PARK7: variants seen among roughly 807,000 people sequenced by gnomAD.
The protein encoded by PARK7 is Parkinsonism associated deglycase, also known as Parkinson disease protein 7.
PARK7 carries 14 observed loss-of-function variants against 20.5 expected under a neutral mutation model. The ratio of observed to expected loss-of-function variants is 0.68; its 90% CI spans 0.45 to 1.07. The LOEUF is 1.07. Among genes scored for constraint, PARK7 ranks in the 50% least tolerant of loss-of-function variants. The pLI is 0.00. For synonymous variants in PARK7, 98 were observed against 84.3 expected (o/e 1.16, Z -0.89); for missense variants, 234 against 238.1 (o/e 0.98, Z 0.11).
chr1:7,974,321 G>A (rs1041188800), intron 5 of PARK7, among the ~76,000 whole-genome samples: 18 of 151,218 alleles, frequency 1.2e-4, no homozygotes, highest in African/African-American at 4.4e-4. Context: ...GCAAGACTTG[G>A]TCTCTTAAAA....
chr1:7,971,115 C>A, intron 5 of PARK7, 152 bp downstream of exon 5: 1 of 792,652 alleles, frequency 1.3e-6, no homozygotes, highest in Non-Finnish European at 2.2e-6. Context: ...AAGTTGGTGT[C>A]ATTTCAGAGA....
In PARK7 at chr1:7,985,175, T is replaced by C; in HGVS notation, c.*121T>C. 3 of 1,363,956 alleles carry C rather than the reference T, an allele frequency of 2.2e-6. No homozygotes were observed. The highest frequency in any genetic ancestry group is 1.3e-5 in the South Asian group (1 of 79,990). The allele number at this position is 1,363,956 out of a possible 1,614,324, so 84.5% of individuals were successfully genotyped here. Reference sequence around the variant, plus strand: ...TCAGAAGTCGCTGTCCTTACTACTTTTGCGGAAGTATGGAAGTCACAACTA... The same window carrying C: ...TCAGAAGTCGCTGTCCTTACTACTTCTGCGGAAGTATGGAAGTCACAACTA... On this transcript the variant is annotated 3_prime_UTR_variant, in exon 7 of 7. Coordinates refer to ENST00000338639, the MANE Select transcript of PARK7 (RefSeq NM_007262.5).
intron 1 of PARK7, among the ~76,000 whole-genome samples, chr1:7,962,323 A>G (rs1640224055): frequency 6.6e-6 from 1 of 152,236 alleles, no homozygotes. Context: ...CCAAAAAATT[A>G]CAAGTTAATT....
At chr1:7,967,128 A>AT (rs142292173) in intron 3 of PARK7, among the ~76,000 whole-genome samples, 8,358 of 151,392 alleles carry the variant, frequency 0.055, 775 homozygotes, top group African/African-American at 0.19. Flanking sequence ...TATGTGATCA[A>AT]TTTTTTTTTA....
At chr1:7,976,056 G>A (rs968694250) in intron 5 of PARK7, among the ~76,000 whole-genome samples, 2 of 152,198 alleles carry the variant, frequency 1.3e-5, no homozygotes, top group Admixed American at 6.6e-5. Flanking sequence ...GGTAGTATTT[G>A]TGTGATCTTC....
At position 7,983,699 on chromosome 1, in the gene PARK7, T is replaced by C. The variant is rs139000317; in HGVS notation, c.410-1195T>C. Among the ~76,000 whole-genome samples, 18 of 152,280 alleles carry C rather than the reference T, an allele frequency of 1.2e-4. No homozygotes were observed. In the East Asian group the frequency reaches 3.5e-3, roughly 29 times the overall value. ...TGCTTTGCACTCTGGACAGTTAGCT[T>C]TTGGGTGCTGGGCATGGATCGAAGG... On this transcript the variant is annotated intron_variant, in intron 6 of 6. Transcript: ENST00000338639.
chr1:7,983,682 A>G lies in PARK7; in HGVS notation c.410-1212A>G, dbSNP rs576023580. 4.6e-5 allele frequency among the ~76,000 whole-genome samples: 7 copies of G among 152,284 alleles called. No individual in the cohort carries two copies. The South Asian group carries it at 1.5e-3, about 32-fold the overall frequency. On this transcript the variant is annotated intron_variant, in intron 6 of 6. Coordinates refer to ENST00000338639, the MANE Select transcript of PARK7 (RefSeq NM_007262.5). The stretch of plus-strand genomic sequence containing the variant: ...GGGAACTGGCTATGCCCTGCTTTGC[A>G]CTCTGGACAGTTAGCTTTTGGGTGC...
At chr1:7,969,534 A>C in intron 4 of PARK7, 130 bp downstream of exon 4, 1 of 747,332 alleles carries the variant, frequency 1.3e-6, no homozygotes, top group East Asian at 2.7e-5. Context: ...TGTGAAAAAA[A>C]AATAGAAACA....
At chr1:7,981,156 A>T (rs573926086) in intron 6 of PARK7, among the ~76,000 whole-genome samples, 1 of 152,320 alleles carries the variant, frequency 6.6e-6, no homozygotes, top group African/African-American at 2.4e-5. Context: ...GGAGCCTGGC[A>T]TCGTGGGGTG....
chr1:7,970,997 A>G (rs757667714), intron 5 of PARK7, 34 bp downstream of exon 5: 1 of 1,610,814 alleles, frequency 6.2e-7, no homozygotes, highest in Non-Finnish European at 8.5e-7. Flanking sequence ...TTGCAGCGTC[A>G]TTGGTGGGTG....
rs564289906 is a variant in PARK7, at chr1:7,983,223, T to A, written c.410-1671T>A. Among the ~76,000 whole-genome samples the A allele has an allele frequency of 7.9e-5, 12 of 152,342 alleles. No homozygotes were observed. In the East Asian group the frequency reaches 2.3e-3, roughly 29 times the overall value. On this transcript the variant is annotated intron_variant, in intron 6 of 6. Transcript: ENST00000338639. ...GAAGGAAGAAGAGAAAGCTGTGCCC[T>A]CAGGGTGTTCTCAGGTCCGCACTGA...
chr1:7,965,295 T>A lies in PARK7; in HGVS notation c.91-29T>A, dbSNP rs763896556. On this transcript the variant is annotated intron_variant, in intron 2 of 6. Transcript: ENST00000338639. ...TTACTCTGAATTTATGTTTCAGTGTTCTTAAATATGATAACATCTTTCTCG... is the reference window on the plus strand; with the variant it reads ...TTACTCTGAATTTATGTTTCAGTGTACTTAAATATGATAACATCTTTCTCG... 4.4e-6 allele frequency: 7 copies of A among 1,581,192 alleles called. No individual in the cohort carries two copies. The South Asian group carries it at 7.7e-5, about 17-fold the overall frequency.
chr1:7,972,829 A>C (rs1640492862), intron 5 of PARK7, among the ~76,000 whole-genome samples: 1 of 152,150 alleles, frequency 6.6e-6, no homozygotes, highest in East Asian at 1.9e-4. Flanking sequence ...ACTTGAGGTC[A>C]GGAGTTCGAA....
At chr1:7,973,237 G>T (rs796311234) in intron 5 of PARK7, among the ~76,000 whole-genome samples, 1 of 152,178 alleles carries the variant, frequency 6.6e-6, no homozygotes, top group South Asian at 2.1e-4. Flanking sequence ...CTTTTGACCT[G>T]CCCTGAGGCT....
At chr1:7,968,640 C>G (rs1640383866) in intron 3 of PARK7, among the ~76,000 whole-genome samples, 1 of 152,036 alleles carries the variant, frequency 6.6e-6, no homozygotes, top group Non-Finnish European at 1.5e-5. Context: ...CTCAACCCCC[C>G]AAGTAGATGG....
chr1:7,962,979 A>G (rs1640241396), intron 2 of PARK7, 104 bp downstream of exon 2: 1 of 952,570 alleles, frequency 1.0e-6, no homozygotes, highest in African/African-American at 1.6e-5. Context: ...TATTTCAAAT[A>G]TACACAAAAT....
intron 6 of PARK7, among the ~76,000 whole-genome samples, chr1:7,978,605 AG>A (rs1317697259): frequency 1.4e-5 from 2 of 142,538 alleles, no homozygotes; most frequent in African/African-American, 5.5e-5. Flanking sequence ...GTACTTTGGG[AG>A]GCTGAGGCGG....
intron 5 of PARK7, among the ~76,000 whole-genome samples, chr1:7,975,144 G>A (rs1298395267): frequency 6.6e-6 from 1 of 152,256 alleles, no homozygotes; most frequent in South Asian, 2.1e-4. Flanking sequence ...GTGAGCCACC[G>A]CACCCAGCCA....
At chr1:7,978,106 T>TC (rs1308351370) in intron 6 of PARK7, among the ~76,000 whole-genome samples, 1 of 144,842 alleles carries the variant, frequency 6.9e-6, no homozygotes, top group Non-Finnish European at 1.5e-5. Flanking sequence ...AAGTGATTCT[T>TC]CTGCCTCAGC....
Sources: gnomAD v4.1 joint callset for allele counts (sites outside exome capture counted in the v4.1 genomes callset) on GRCh38, gnomAD v4.1.1 for gene constraint, MANE v1.5 for transcripts, NCBI Gene and HGNC (gene_info 2026-07-23, HGNC 2026-07-21) for gene names.